FSTL4: variants seen among roughly 807,000 people sequenced by gnomAD.
FSTL4 encodes the protein follistatin-related protein 4.
In FSTL4, 28 loss-of-function variants were observed where a neutral mutation model predicts 78.2. The observed-to-expected ratio is 0.36, with a 90% confidence interval of 0.27 to 0.49. FSTL4 has a LOEUF of 0.49. Ranked by LOEUF, FSTL4 falls within the 20% of genes least tolerant of loss-of-function variation. The pLI is 0.98. For missense variants in FSTL4, 922 were observed against 1,084.9 expected, an observed-to-expected ratio of 0.85 and a Z score of 2.11; for synonymous variants, 422 against 440.5, an observed-to-expected ratio of 0.96 and a Z score of 0.53.
At chr5:133,214,449 A>G (rs989372908) in intron 13 of FSTL4, among the ~76,000 whole-genome samples, 3 of 152,190 alleles carry the variant, frequency 2.0e-5, no homozygotes, top group Non-Finnish European at 4.4e-5. Context: ...TACTGGGGAA[A>G]CTGAGCATTG....
chr5:133,462,903 C>G (rs1757626954), intron 3 of FSTL4, among the ~76,000 whole-genome samples: 2 of 152,204 alleles, frequency 1.3e-5, no homozygotes, highest in African/African-American at 4.8e-5. Context: ...TGACACCACA[C>G]TCAGTTTCTG....
chr5:133,789,427 CA>C, the FSTL4 span, among the ~76,000 whole-genome samples: 10 of 152,194 alleles, frequency 6.6e-5, no homozygotes, highest in Non-Finnish European at 1.0e-4. Context: ...CTGGACTCTA[CA>C]AGGAAGCTAA....
chr5:133,780,686 T>C, the FSTL4 span, among the ~76,000 whole-genome samples: 1 of 152,224 alleles, frequency 6.6e-6, no homozygotes, highest in Non-Finnish European at 1.5e-5. Context: ...GCATAGCATT[T>C]ACTATCTAAA....
Position 133,417,958 on chromosome 5 carries a change from T to TAA in FSTL4, c.161-16974_161-16973dup, listed in dbSNP as rs527415337. On this transcript the variant is annotated intron_variant, in intron 3 of 15. Coordinates refer to ENST00000265342, the MANE Select transcript of FSTL4 (RefSeq NM_015082.2). ...TGGGTGACAGAGTAAGACTCCATCT[T>TAA]AAAAAAAAAAAAAAAAAAAAAAAAA... 5.9e-4 allele frequency among the ~76,000 whole-genome samples: 30 copies of TAA among 51,142 alleles called. 3 individuals are homozygous for TAA. The highest frequency in any genetic ancestry group is 1.7e-3 in the African/African-American group (15 of 8,966). The allele number at this position is 51,142 out of a possible 152,430, so 33.6% of individuals were successfully genotyped here. A position where few individuals can be genotyped will look rare whatever the true frequency, so the allele number is the denominator to read the frequency against.
intron 4 of FSTL4, among the ~76,000 whole-genome samples, chr5:133,363,985 C>T (rs954554815): frequency 1.3e-5 from 2 of 152,226 alleles, no homozygotes; most frequent in African/African-American, 4.8e-5. Context: ...TGCAATAACT[C>T]ACCAGCCTTC....
At chr5:133,290,659 CA>C (rs1753240031) in intron 6 of FSTL4, among the ~76,000 whole-genome samples, 1 of 152,238 alleles carries the variant, frequency 6.6e-6, no homozygotes, top group Non-Finnish European at 1.5e-5. Context: ...GCAGGAACCA[CA>C]GCAGAGGGTG....
chr5:133,504,822 C>T (rs1167289708), intron 3 of FSTL4, among the ~76,000 whole-genome samples: 1 of 152,214 alleles, frequency 6.6e-6, no homozygotes, highest in Non-Finnish European at 1.5e-5. Context: ...GTGCCCACAG[C>T]CCTCTGTTCT....
chr5:133,726,404 G>A, the FSTL4 span, among the ~76,000 whole-genome samples: 1 of 152,168 alleles, frequency 6.6e-6, no homozygotes, highest in Non-Finnish European at 1.5e-5. Flanking sequence ...TGAAGCTGGT[G>A]GGTCCCCATC....
chr5:133,445,751 C>T (rs748431722), intron 3 of FSTL4, among the ~76,000 whole-genome samples: 7 of 152,096 alleles, frequency 4.6e-5, no homozygotes, highest in Non-Finnish European at 7.4e-5. Flanking sequence ...GTGTATTTGC[C>T]TGTCAGAGCT....
the FSTL4 span, among the ~76,000 whole-genome samples, chr5:133,745,232 G>A: frequency 4.4e-3 from 675 of 152,352 alleles, 1 homozygote; most frequent in Non-Finnish European, 8.1e-3. Context: ...AATACGCCAA[G>A]GGCCTTCTAT....
At chr5:133,523,867 C>T (rs1372181485) in intron 3 of FSTL4, among the ~76,000 whole-genome samples, 3 of 152,154 alleles carry the variant, frequency 2.0e-5, no homozygotes, top group Non-Finnish European at 4.4e-5. Context: ...GTCTTAGAGC[C>T]GACATCCTAG....
intron 3 of FSTL4, among the ~76,000 whole-genome samples, chr5:133,541,192 T>C (rs1311920801): frequency 6.6e-6 from 1 of 152,214 alleles, no homozygotes; most frequent in East Asian, 1.9e-4. Context: ...GATATTTCTG[T>C]AGGTCAGATA....
intron 3 of FSTL4, among the ~76,000 whole-genome samples, chr5:133,508,087 G>C (rs1356086454): frequency 6.6e-6 from 1 of 152,104 alleles, no homozygotes; most frequent in Admixed American, 6.5e-5. Context: ...GGTTGCATGA[G>C]TGTGGGCCCT....
the FSTL4 span, among the ~76,000 whole-genome samples, chr5:133,789,096 G>A: frequency 6.6e-6 from 1 of 152,178 alleles, no homozygotes; most frequent in African/African-American, 2.4e-5. Context: ...AGAGGTCCCT[G>A]CCCCTCAGTG....
chr5:133,414,273 T>A (rs1360483728), intron 3 of FSTL4, among the ~76,000 whole-genome samples: 1 of 152,190 alleles, frequency 6.6e-6, no homozygotes, highest in Non-Finnish European at 1.5e-5. Context: ...GTCTACTCAG[T>A]GCCAAGATTT....
chr5:133,494,767 C>A (rs1758336166), intron 3 of FSTL4, among the ~76,000 whole-genome samples: 1 of 152,214 alleles, frequency 6.6e-6, no homozygotes, highest in South Asian at 2.1e-4. Flanking sequence ...CAGAAGAGGG[C>A]CTGTGGCCCG....
At chr5:133,798,708 A>T in the FSTL4 span, among the ~76,000 whole-genome samples, 5 of 151,968 alleles carry the variant, frequency 3.3e-5, no homozygotes, top group African/African-American at 1.2e-4. Context: ...ATCAAGGGAC[A>T]ACCGAAATCT....
intron 3 of FSTL4, among the ~76,000 whole-genome samples, chr5:133,421,677 T>C (rs1163308830): frequency 6.6e-6 from 1 of 152,192 alleles, no homozygotes; most frequent in Non-Finnish European, 1.5e-5. Flanking sequence ...CTCAGGAGGA[T>C]AACAAGTGAG....
At chr5:133,360,487 T>A (rs896757441) in intron 4 of FSTL4, among the ~76,000 whole-genome samples, 1 of 151,676 alleles carries the variant, frequency 6.6e-6, no homozygotes, top group African/African-American at 2.4e-5. Flanking sequence ...TTTTTTTTTT[T>A]TTTTTTTTGC....
Sources: gnomAD v4.1 joint callset for allele counts (sites outside exome capture counted in the v4.1 genomes callset) on GRCh38, gnomAD v4.1.1 for gene constraint, MANE v1.5 for transcripts, NCBI Gene and HGNC (gene_info 2026-07-23, HGNC 2026-07-21) for gene names.